Variants in SPATA6 observed in about 807,000 individuals in gnomAD.
SPATA6 encodes the protein spermatogenesis associated 6.
A neutral mutation model predicts 65.3 loss-of-function variants in SPATA6; 56 were observed. That is an observed-to-expected ratio of 0.86 (90% CI 0.69 to 1.07). The LOEUF is 1.07. Among genes scored for constraint, SPATA6 ranks in the 50% least tolerant of loss-of-function variants. The probability of loss-of-function intolerance (pLI) is 0.00; values close to 1 mark genes in which losing one functional copy is unlikely to be tolerated. For missense variants in SPATA6, 590 were observed against 594.8 expected (o/e 0.99, Z 0.08); for synonymous variants, 199 against 213.2 (o/e 0.93, Z 0.58).
intron 6 of SPATA6, among the ~76,000 whole-genome samples, chr1:48,402,440 T>C (rs1031821646): frequency 6.6e-6 from 1 of 152,186 alleles, no homozygotes; most frequent in African/African-American, 2.4e-5. Context: ...CCATTTACAA[T>C]GTGCACAGTG....
intron 11 of SPATA6, among the ~76,000 whole-genome samples, chr1:48,315,654 A>G (rs1030092742): frequency 1.3e-5 from 2 of 151,944 alleles, no homozygotes; most frequent in African/African-American, 4.8e-5. Context: ...CTCTCTCACC[A>G]CTCCTATTCA....
chr1:48,382,635 C>CCCG (rs1452278024), intron 9 of SPATA6, among the ~76,000 whole-genome samples: 1 of 65,050 alleles, frequency 1.5e-5, no homozygotes, highest in African/African-American at 4.7e-5. Context: ...GCCGACCCCC[C>CCCG]CCCCCCCGCC....
chr1:48,284,546 A>G, the SPATA6 span, among the ~76,000 whole-genome samples: 1 of 152,006 alleles, frequency 6.6e-6, no homozygotes, highest in African/African-American at 2.4e-5. Context: ...TTTGACCTGT[A>G]TTTTCCTCAT....
chr1:48,336,629 G>A (rs1359380377), intron 11 of SPATA6, among the ~76,000 whole-genome samples: 1 of 151,532 alleles, frequency 6.6e-6, no homozygotes, highest in African/African-American at 2.4e-5. Flanking sequence ...GGGCCTCCTC[G>A]AGGGAGGAGG....
chr1:48,306,659 A>C (rs529509512), intron 11 of SPATA6, among the ~76,000 whole-genome samples: 1 of 152,106 alleles, frequency 6.6e-6, no homozygotes, highest in Admixed American at 6.5e-5. Flanking sequence ...AGTAAGCACA[A>C]ATAAGGATTA....
At position 48,453,029 on chromosome 1, in the gene SPATA6, G is replaced by T. The variant is rs147236290; in HGVS notation, c.154C>A (p.Pro52Thr). The change falls in exon 2 of 13, where the codon CCC (proline) becomes ACC (threonine). Residue 52 changes from proline to threonine, a missense_variant. Pro to Thr is a conservative substitution (Grantham distance 38). Transcript: ENST00000371847. ...ACCATTCTGGCATTGAAGACCAGGGGAAAAGTGGCTGGGACACATTGTGTC... is the reference window on the plus strand; with the variant it reads ...ACCATTCTGGCATTGAAGACCAGGGTAAAAGTGGCTGGGACACATTGTGTC... ...KKTQCVPATFPLVFNARMVFE... is the reference protein window; with the variant it reads ...KKTQCVPATFTLVFNARMVFE... The T allele has an allele frequency of 6.2e-7, 1 of 1,613,800 alleles. No individual in the cohort carries two copies.
In SPATA6 at chr1:48,436,562, C is replaced by A. The variant is rs1330573643; in HGVS notation, c.238+14990G>T. ...CTCATTTCTGGTGATGGCCTAGTGACCCTCTCTGGCCTGTCCCATCTGCAT... is the reference window on the plus strand; with the variant it reads ...CTCATTTCTGGTGATGGCCTAGTGAACCTCTCTGGCCTGTCCCATCTGCAT... On this transcript the variant is annotated intron_variant, in intron 3 of 12. Transcript: ENST00000371847. The A allele has an allele frequency of 5.6e-6, 9 of 1,612,476 alleles. No homozygotes were observed. The South Asian group carries it at 6.6e-5, about 12-fold the overall frequency.
rs1303864156 is a variant in SPATA6 at position 48,435,963 on chromosome 1, TTCAA to T, written c.238+15585_238+15588del. On this transcript the variant is annotated intron_variant, in intron 3 of 12. Coordinates refer to ENST00000371847, the MANE Select transcript of SPATA6 (RefSeq NM_019073.4). ...TCACTTTCTGTGTGAACTAAAGTGA[TTCAA>T]TGTCTCTTTTGGATTGCTTCTGCAC... The T allele has an allele frequency of 3.1e-5, 50 of 1,596,114 alleles. No individual in the cohort carries two copies. The East Asian group carries it at 1.1e-3, about 34-fold the overall frequency.
the SPATA6 span, among the ~76,000 whole-genome samples, chr1:48,271,220 A>G: frequency 6.6e-6 from 1 of 152,164 alleles, no homozygotes; most frequent in South Asian, 2.1e-4. Context: ...TTGCAGTAGC[A>G]GTTTAGGAGC....
chr1:48,395,394 C>T lies in SPATA6; in HGVS notation c.781-40G>A, dbSNP rs546783068. 16 of 1,405,950 alleles carry T rather than the reference C, an allele frequency of 1.1e-5. No individual in the cohort carries two copies. The South Asian group carries it at 2.4e-4, about 21-fold the overall frequency. The allele number at this position is 1,405,950 out of a possible 1,614,324, so 87.1% of individuals were successfully genotyped here. On this transcript the variant is annotated intron_variant, in intron 7 of 12. Transcript: ENST00000371847. ...ATTTTTATGTAAAAGAGAGTTTAAACATTCCTAGACTTTCAATCTCATGGT... is the reference window on the plus strand; with the variant it reads ...ATTTTTATGTAAAAGAGAGTTTAAATATTCCTAGACTTTCAATCTCATGGT...
chr1:48,381,665 T>A (rs1463796763), intron 9 of SPATA6, among the ~76,000 whole-genome samples: 1 of 137,494 alleles, frequency 7.3e-6, no homozygotes, highest in Non-Finnish European at 1.5e-5. Flanking sequence ...TTTTTTTTTA[T>A]ATGAATAGTT....
chr1:48,273,495 T>C, the SPATA6 span, among the ~76,000 whole-genome samples: 1 of 151,990 alleles, frequency 6.6e-6, no homozygotes, highest in East Asian at 1.9e-4. Flanking sequence ...CTCCCCATCC[T>C]CCACCCCACA....
At chr1:48,281,798 T>C in the SPATA6 span, among the ~76,000 whole-genome samples, 1 of 152,160 alleles carries the variant, frequency 6.6e-6, no homozygotes, top group Non-Finnish European at 1.5e-5. Flanking sequence ...CCCATCAAGC[T>C]ACCAATGACT....
rs1170826441 is a variant in SPATA6, at chr1:48,295,647, T to C, written c.*3066A>G. 6.6e-6 allele frequency: 1 copy of C among 152,174 alleles called. No individual in the cohort carries two copies. The highest frequency in any genetic ancestry group is 1.5e-5 in the Non-Finnish European group (1 of 68,014). 9.4% of individuals were successfully genotyped at this position (152,174 alleles called of 1,614,324 possible). A position where few individuals can be genotyped will look rare whatever the true frequency, so the allele number is the denominator to read the frequency against. Reference sequence around the variant, plus strand: ...TGGGAGTTATAAAATATTCTGTAATTAGTGAGTGGTTATTGTTGCACAACT... The same window carrying C: ...TGGGAGTTATAAAATATTCTGTAATCAGTGAGTGGTTATTGTTGCACAACT... On this transcript the variant is annotated 3_prime_UTR_variant, in exon 13 of 13. Coordinates refer to ENST00000371847, the MANE Select transcript of SPATA6 (RefSeq NM_019073.4).
rs568210503 is a variant in SPATA6, at chr1:48,305,125, G to A, written c.1286+662C>T. The stretch of plus-strand genomic sequence containing the variant: ...TCATAGATGGTCTAGCCTAGCTTAC[G>A]AGAGTAAAGATCAGAGATTTGAATG... On this transcript the variant is annotated intron_variant, in intron 12 of 12. Coordinates refer to ENST00000371847, the MANE Select transcript of SPATA6 (RefSeq NM_019073.4). 4.6e-4 allele frequency among the ~76,000 whole-genome samples: 70 copies of A among 152,276 alleles called. No homozygotes were observed. In the South Asian group the frequency reaches 0.014, roughly 30 times the overall value.
intron 1 of SPATA6, among the ~76,000 whole-genome samples, chr1:48,471,649 A>ACT (rs1234404361): frequency 2.0e-5 from 3 of 151,860 alleles, no homozygotes; most frequent in Non-Finnish European, 4.4e-5. Context: ...GCGCACATAC[A>ACT]CTCTCTCTCA....
At chr1:48,430,446 T>C (rs1360055104) in intron 3 of SPATA6, among the ~76,000 whole-genome samples, 1 of 152,144 alleles carries the variant, frequency 6.6e-6, no homozygotes, top group African/African-American at 2.4e-5. Flanking sequence ...CAAAGTTTAT[T>C]ACCACTAGAC....
chr1:48,390,395 T>C (rs539682391), intron 8 of SPATA6, among the ~76,000 whole-genome samples: 11 of 152,234 alleles, frequency 7.2e-5, no homozygotes, highest in African/African-American at 2.6e-4. Flanking sequence ...TAATCGATAC[T>C]AGAGGCTGGG....
At chr1:48,432,240 G>C (rs1654469105) in intron 3 of SPATA6, among the ~76,000 whole-genome samples, 1 of 152,122 alleles carries the variant, frequency 6.6e-6, no homozygotes, top group Admixed American at 6.5e-5. Context: ...ATTTAGCAAT[G>C]ATTTCTTGGA....
Sources: gnomAD v4.1 joint callset for allele counts (sites outside exome capture counted in the v4.1 genomes callset) on GRCh38, gnomAD v4.1.1 for gene constraint, MANE v1.5 for transcripts, NCBI Gene and HGNC (gene_info 2026-07-23, HGNC 2026-07-21) for gene names.